Variants in PELP1 observed in about 807,000 individuals in gnomAD.
PELP1 encodes the protein proline-, glutamic acid- and leucine-rich protein 1.
Under a neutral mutation model 95.5 loss-of-function variants are expected in PELP1, and 32 were observed. The observed-to-expected ratio is 0.34, with a 90% CI of 0.25 to 0.45. The LOEUF (loss-of-function observed/expected upper bound fraction) is 0.45, where lower values mean the gene tolerates loss of function less well. PELP1 is among the 20% of genes least tolerant of loss of function. PELP1 has a pLI of 1.00. For missense variants in PELP1, 1,358 were observed against 1,444.8 expected, an observed-to-expected ratio of 0.94 and a Z score of 0.97; for synonymous variants, 668 against 600.1, an observed-to-expected ratio of 1.11 and a Z score of -1.65.
At position 4,675,039 on chromosome 17, in the gene PELP1, C is replaced by T. The variant is rs369376493; in HGVS notation, c.1274+40G>A. On this transcript the variant is annotated intron_variant, in intron 11 of 16. Coordinates refer to ENST00000572293, the MANE Select transcript of PELP1 (RefSeq NM_014389.3). This position sits in a 1 kb window ranked among gnomAD's most constrained non-coding sequence, Gnocchi z 4.3. ...AGCCCACCTGCACCCCCTCACCCCCCTCTCCTCTTTATTCCCTTCCTGCCT... is the reference window on the plus strand; with the variant it reads ...AGCCCACCTGCACCCCCTCACCCCCTTCTCCTCTTTATTCCCTTCCTGCCT... 58 of 1,609,408 alleles carry T rather than the reference C, an allele frequency of 3.6e-5. No individual in the cohort carries two copies. In the East Asian group the frequency reaches 4.2e-4, roughly 12 times the overall value.
intron 5 of PELP1, among the ~76,000 whole-genome samples, chr17:4,678,901 C>T (rs1264807652): frequency 2.0e-5 from 3 of 152,206 alleles, no homozygotes; most frequent in African/African-American, 7.2e-5. Flanking sequence ...TTCCTAAGTA[C>T]TAGTCTGCGA....
chr17:4,682,691 T>C, intron 4 of PELP1, 112 bp downstream of exon 4: 1 of 1,434,866 alleles, frequency 7.0e-7, no homozygotes. Context: ...GGCCCCTCCC[T>C]CTTCTCACTT....
chr17:4,683,465 C>T (rs969131064), intron 3 of PELP1, among the ~76,000 whole-genome samples: 18 of 149,762 alleles, frequency 1.2e-4, no homozygotes, highest in South Asian at 8.4e-4. Context: ...GTGATCTGCC[C>T]GCCTTGGCCT....
chr17:4,674,789 C>CG lies in PELP1; in HGVS notation c.1422+19dup, dbSNP rs1912387001. ...AAAGGGCACAGGATGAGTCCTAAGG[C>CG]GGAGCTGAGGCCTCCTCACCTTAAG... On this transcript the variant is annotated intron_variant, in intron 12 of 16. Coordinates refer to ENST00000572293, the MANE Select transcript of PELP1 (RefSeq NM_014389.3). The CG allele has an allele frequency of 6.2e-7, 1 of 1,603,166 alleles. No homozygotes were observed. Among genetic ancestry groups the CG allele is most frequent in the African/African-American group, 1.3e-5 (1 of 74,846 alleles).
chr17:4,678,898 G>C (rs1044890227), intron 5 of PELP1, among the ~76,000 whole-genome samples: 1 of 152,172 alleles, frequency 6.6e-6, no homozygotes, highest in African/African-American at 2.4e-5. Context: ...GTTTTCCTAA[G>C]TACTAGTCTG....
At chr17:4,687,652 T>C (rs900111182) in intron 3 of PELP1, among the ~76,000 whole-genome samples, 1 of 152,188 alleles carries the variant, frequency 6.6e-6, no homozygotes, top group Non-Finnish European at 1.5e-5. Context: ...AGAAACTATA[T>C]GTGGTTCACA....
intron 1 of PELP1, among the ~76,000 whole-genome samples, chr17:4,699,898 T>TTTA (rs1491363439): frequency 2.8e-4 from 2 of 7,034 alleles, no homozygotes; most frequent in Non-Finnish European, 5.9e-4. Context: ...TAGAGGGTGA[T>TTTA]TTTTTTTTTT....
Position 4,676,347 on chromosome 17 carries a change from T to G in PELP1, c.853+10A>C. 2.5e-6 allele frequency: 4 copies of G among 1,612,372 alleles called. No homozygotes were observed. In the South Asian group the frequency reaches 4.4e-5, roughly 18 times the overall value. The stretch of plus-strand genomic sequence containing the variant: ...CTATTGTTCCACTAACTAGCAGCCC[T>G]GGTCCCTACCAGTCTCTGCTCCCTC... On this transcript the variant is annotated intron_variant, in intron 7 of 16. Transcript: ENST00000572293.
Position 4,702,155 on chromosome 17 carries a change from G to A in PELP1, c.249+1708C>T, listed in dbSNP as rs187632374. Among the ~76,000 whole-genome samples the A allele has an allele frequency of 3.1e-3, 476 of 152,206 alleles. 3 individuals are homozygous for A. Among genetic ancestry groups the A allele is most frequent in the Non-Finnish European group, 5.3e-3 (363 of 68,002 alleles). ...TCTGGGGGGCAAGGCATGGTGGCCC[G>A]TGCCTGTAATTCCAGCACTTTGGGA... On this transcript the variant is annotated intron_variant, in intron 1 of 16. Transcript: ENST00000572293.
intron 3 of PELP1, 64 bp from the exon 4 acceptor site, chr17:4,683,016 G>A: frequency 7.1e-7 from 1 of 1,398,724 alleles, no homozygotes; most frequent in Non-Finnish European, 9.3e-7. Flanking sequence ...AGAGCAGCAG[G>A]AGAAAATACA....
chr17:4,695,105 G>A lies in PELP1; in HGVS notation c.250-3663C>T, dbSNP rs141271192. The stretch of plus-strand genomic sequence containing the variant: ...TGGGCAGCCGAAGCGGGTGGATCAC[G>A]AGGTCAGGAGTTTGAGACCAGCCTG... On this transcript the variant is annotated intron_variant, in intron 1 of 16. Transcript: ENST00000572293. Among the ~76,000 whole-genome samples, 1,466 of 151,796 alleles carry A rather than the reference G, an allele frequency of 9.7e-3. 19 individuals carry two copies. Among genetic ancestry groups the A allele is most frequent in the African/African-American group, 0.033 (1,346 of 41,336 alleles).
chr17:4,687,498 CAAAAAAAAAAA>C (rs61629319), intron 3 of PELP1, among the ~76,000 whole-genome samples: 1 of 107,342 alleles, frequency 9.3e-6, no homozygotes, highest in Non-Finnish European at 1.9e-5. Flanking sequence ...GACTCCATCT[CAAAAAAAAAAA>C]AAAAAAAAAA....
intron 6 of PELP1, 31 bp from the exon 7 acceptor site, chr17:4,676,538 A>C: frequency 6.2e-7 from 1 of 1,611,118 alleles, no homozygotes; most frequent in Non-Finnish European, 8.5e-7. Flanking sequence ...ACCTGGTCAG[A>C]TGGGAATCCA....
At chr17:4,683,386 A>G (rs1178476568) in intron 3 of PELP1, among the ~76,000 whole-genome samples, 1 of 151,454 alleles carries the variant, frequency 6.6e-6, no homozygotes, top group Non-Finnish European at 1.5e-5. Context: ...ACGCCTGACT[A>G]ATTTTTTGTA....
chr17:4,671,912 C>T lies in PELP1; in HGVS notation c.3079G>A (p.Ala1027Thr). 2 of 1,516,382 alleles carry T rather than the reference C, an allele frequency of 1.3e-6. No homozygotes were observed. The highest frequency in any genetic ancestry group is 1.8e-6 in the Non-Finnish European group (2 of 1,136,214). The allele number at this position is 1,516,382 out of a possible 1,614,324, so 93.9% of individuals were successfully genotyped here. A position where few individuals can be genotyped will look rare whatever the true frequency, so the allele number is the denominator to read the frequency against. The change falls in exon 16 of 17, where the codon GCC (alanine) becomes ACC (threonine). Residue 1027 changes from alanine to threonine, a missense_variant. By Grantham distance (58) the Ala-to-Thr change is moderately conservative. Transcript: ENST00000572293. ...ERGADTAPTLAPEALPSQGEV... is the reference protein window; with the variant it reads ...ERGADTAPTLTPEALPSQGEV... Reference sequence around the variant, plus strand: ...CCCTGGGAGGGGAGCGCTTCAGGGGCCAGGGTGGGAGCTGTGTCAGCCCCA... The same window carrying T: ...CCCTGGGAGGGGAGCGCTTCAGGGGTCAGGGTGGGAGCTGTGTCAGCCCCA...
Position 4,672,014 on chromosome 17 carries a change from G to T in PELP1, c.2977C>A (p.Pro993Thr). 2 of 1,573,390 alleles carry T rather than the reference G, an allele frequency of 1.3e-6. No homozygotes were observed. Among genetic ancestry groups the T allele is most frequent in the Non-Finnish European group, 1.7e-6 (2 of 1,162,080 alleles). The change falls in exon 16 of 17, where the codon CCA (proline) becomes ACA (threonine). Residue 993 changes from proline (P) to threonine (T), a missense_variant. Physicochemically the swap from Pro to Thr is conservative, Grantham distance 38. Around this residue, in one of 7 missense-constraint regions of PELP1, gnomAD observed 283 missense variants for 284.1 expected, o/e 1.00. Coordinates refer to ENST00000572293, the MANE Select transcript of PELP1 (RefSeq NM_014389.3). The part of the protein sequence containing the change: ...PPALPPPESP[P>T]KVQPEPEPEP... ...GGTTCGGGTTCTGGCTGCACCTTTG[G>T]GGGAGACTCAGGGGGAGGCAGAGCT... is the stretch of plus-strand genomic sequence containing the variant.
At position 4,690,721 on chromosome 17, in the gene PELP1, C is replaced by CA. The variant is rs1026078795; in HGVS notation, c.420+166dup. Among the ~76,000 whole-genome samples, 3 of 151,270 alleles carry CA rather than the reference C, an allele frequency of 2.0e-5. 1 individual carries two copies. The highest frequency in any genetic ancestry group is 4.2e-4 in the South Asian group (2 of 4,788). On this transcript the variant is annotated intron_variant, in intron 3 of 16. Transcript: ENST00000572293. ...TGAGTGACAAAGTGAGACTCCATCT[C>CA]AAAAAAAAAGTTTCTATTTGAAGCT...
chr17:4,702,176 T>C (rs1394712342), intron 1 of PELP1, among the ~76,000 whole-genome samples: 3 of 152,148 alleles, frequency 2.0e-5, no homozygotes, highest in South Asian at 4.1e-4. Context: ...TCCAGCACTT[T>C]GGGAAGCCAA....
Position 4,683,170 on chromosome 17 carries a change from A to T in PELP1, c.421-218T>A, listed in dbSNP as rs905910107. The T allele has an allele frequency of 7.1e-5, 68 of 954,846 alleles. No homozygotes were observed. The African/African-American group carries it at 1.1e-3, about 15-fold the overall frequency. The allele number at this position is 954,846 out of a possible 1,614,324, so 59.1% of individuals were successfully genotyped here. On this transcript the variant is annotated intron_variant, in intron 3 of 16. Coordinates refer to ENST00000572293, the MANE Select transcript of PELP1 (RefSeq NM_014389.3). ...GGTCCTAGGAATTTGTGTGGGGGAA[A>T]AAAAGAGTAACAAAGCTATACCTTA...
Sources: allele counts gnomAD v4.1 joint callset (sites outside exome capture counted in the v4.1 genomes callset), GRCh38; gene constraint gnomAD v4.1.1; regional missense constraint gnomAD v4.1.1; non-coding constraint Gnocchi (gnomAD v3.1); transcripts MANE v1.5; gene names NCBI Gene and HGNC (gene_info 2026-07-23, HGNC 2026-07-21).